Variants in OCRL observed in about 807,000 individuals in gnomAD.
OCRL encodes the protein OCRL inositol polyphosphate-5-phosphatase.
Under a neutral mutation model 78.9 loss-of-function variants are expected in OCRL, and 8 were observed. The observed-to-expected ratio is 0.10, with a 90% CI of 0.06 to 0.18. The LOEUF (loss-of-function observed/expected upper bound fraction) is 0.18. OCRL is among the 10% of genes least tolerant of loss of function. The pLI is 1.00. For synonymous variants in OCRL, 240 were observed against 235.4 expected, an observed-to-expected ratio of 1.02 and a Z score of -0.18; for missense variants, 454 against 696.7, an observed-to-expected ratio of 0.65 and a Z score of 3.92.
At chrX:129,540,620 A>G (rs1935777891) in intron 1 of OCRL, 124 bp from the exon 2 acceptor site, 2 of 481,404 alleles carry the variant, frequency 4.2e-6, no homozygotes, top group South Asian at 2.8e-5. Context: ...GCGGGAGACG[A>G]AGCAGGGCGG....
intron 4 of OCRL, among the ~76,000 whole-genome samples, chrX:129,556,112 CAGAA>C (rs772501480): frequency 7.2e-5 from 8 of 111,864 alleles, no homozygotes; most frequent in Non-Finnish European, 1.3e-4. Flanking sequence ...TTTACAAAGA[CAGAA>C]AGAAGAAGAA....
chrX:129,545,021 C>T lies in OCRL; in HGVS notation c.183C>T (p.His61=), dbSNP rs1361099244. 5.4e-6 allele frequency: 6 copies of T among 1,101,638 alleles called. No individual in the cohort carries two copies. The African/African-American group carries it at 1.1e-4, about 20-fold the overall frequency. 90.8% of individuals were successfully genotyped at this position (1,101,638 alleles called of 1,213,427 possible). A position where few individuals can be genotyped will look rare whatever the true frequency, so the allele number is the denominator to read the frequency against. ...AAGATATCATTCCTATAAATAGCCA[C>T]TTCAGATGTGTTCAAGGTACTAGCT... The part of the protein sequence containing the change: ...HVQDIIPINS[H]FRCVQEAEET... The change falls in exon 3 of 24, where the codon CAC becomes CAT. Residue 61 remains histidine, a synonymous_variant. Transcript: ENST00000371113.
chrX:129,540,329 G>A lies in OCRL; in HGVS notation c.-111G>A. 1.1e-6 allele frequency: 1 copy of A among 873,471 alleles called. No homozygotes were observed. The highest frequency in any genetic ancestry group is 1.6e-6 in the Non-Finnish European group (1 of 618,240). 72.0% of individuals were successfully genotyped at this position (873,471 alleles called of 1,213,427 possible). On this transcript the variant is annotated 5_prime_UTR_variant, in exon 1 of 24. Transcript: ENST00000371113. ...CCCGGCGCCCGGCGCCCGGCGCGGA[G>A]CTGTTCCTCAAACGACACGCAGCCG...
At chrX:129,588,153 T>C (rs761042743) in intron 20 of OCRL, 26 bp from the exon 21 acceptor site, 23 of 1,080,880 alleles carry the variant, frequency 2.1e-5, no homozygotes, top group Non-Finnish European at 3.0e-5. Context: ...ATCTTGCCTG[T>C]CCCTTCATTC....
chrX:129,554,348 G>T (rs1419243933), intron 4 of OCRL: 2 of 111,130 alleles, frequency 1.8e-5, no homozygotes, highest in African/African-American at 6.6e-5. Context: ...GTCATTGGAT[G>T]AGGAAGCTGA....
chrX:129,575,867 G>T (rs1224892311), intron 16 of OCRL, 30 bp from the exon 17 acceptor site: 1 of 1,206,404 alleles, frequency 8.3e-7, no homozygotes, highest in South Asian at 1.8e-5. Context: ...TACTAGTGAT[G>T]CATGTTTGTG....
chrX:129,549,815 T>C lies in OCRL; in HGVS notation c.238+1214T>C, dbSNP rs183118475. ...AAACTGAGCTGTGCCTTTTCTCTTA[T>C]AAGCACCTAATTTTCGGCATTAGTT... is the stretch of plus-strand genomic sequence containing the variant. On this transcript the variant is annotated intron_variant, in intron 4 of 23. Coordinates refer to ENST00000371113, the MANE Select transcript of OCRL (RefSeq NM_000276.4). The C allele has an allele frequency of 6.2e-5, 7 of 112,649 alleles. No homozygotes were observed. In the East Asian group the frequency reaches 1.9e-3, roughly 31 times the overall value. The allele number at this position is 112,649 out of a possible 1,213,427, so 9.3% of individuals were successfully genotyped here. A position where few individuals can be genotyped will look rare whatever the true frequency, so the allele number is the denominator to read the frequency against.
intron 20 of OCRL, among the ~76,000 whole-genome samples, chrX:129,587,900 T>G (rs1936534743): frequency 9.0e-6 from 1 of 110,736 alleles, no homozygotes; most frequent in African/African-American, 3.3e-5. Context: ...AGGCTAGAAT[T>G]AGAACACCTG....
chrX:129,573,170 A>T (rs1304977519), intron 15 of OCRL, among the ~76,000 whole-genome samples: 1 of 111,815 alleles, frequency 8.9e-6, no homozygotes, highest in African/African-American at 3.3e-5. Flanking sequence ...AAACTTCCCC[A>T]GTCTGAGATA....
At chrX:129,568,480 G>A (rs1159386955) in intron 14 of OCRL, among the ~76,000 whole-genome samples, 3 of 111,821 alleles carry the variant, frequency 2.7e-5, no homozygotes, top group Non-Finnish European at 5.6e-5. Context: ...TAGGTAACTG[G>A]CCAGCAAATG....
chrX:129,584,291 A>G, intron 18 of OCRL, 53 bp from the exon 19 acceptor site: 1 of 1,113,115 alleles, frequency 9.0e-7, no homozygotes, highest in South Asian at 1.8e-5. Flanking sequence ...CTGTAAATTA[A>G]TTCTAATCAT....
chrX:129,579,043 G>A (rs1448171630), intron 18 of OCRL, among the ~76,000 whole-genome samples: 1 of 111,106 alleles, frequency 9.0e-6, no homozygotes, highest in Non-Finnish European at 1.9e-5. Context: ...ATCTTTTTCA[G>A]ATTTTCAAAT....
intron 4 of OCRL, among the ~76,000 whole-genome samples, chrX:129,549,456 C>G (rs1305910733): frequency 2.7e-5 from 3 of 111,444 alleles, no homozygotes; most frequent in African/African-American, 9.8e-5. Context: ...TTTAGACAGT[C>G]CCTGCCCTTG....
intron 2 of OCRL, among the ~76,000 whole-genome samples, chrX:129,544,692 A>G (rs957644452): frequency 2.7e-5 from 3 of 111,342 alleles, no homozygotes; most frequent in African/African-American, 9.8e-5. Context: ...CTGAAGCTAT[A>G]TACTCTGTAA....
chrX:129,569,521 T>C lies in OCRL; in HGVS notation c.1602+122T>C. 7.5e-6 allele frequency: 6 copies of C among 802,540 alleles called. 1 individual carries two copies. The Admixed American group carries it at 1.2e-4, about 15-fold the overall frequency. 66.1% of individuals were successfully genotyped at this position (802,540 alleles called of 1,213,427 possible). A position where few individuals can be genotyped will look rare whatever the true frequency, so the allele number is the denominator to read the frequency against. Reference sequence around the variant, plus strand: ...TAAATGTTCCATAACCAAATAACCATTTGCAGCATTGAGAGGTTAGTGCCC... The same window carrying C: ...TAAATGTTCCATAACCAAATAACCACTTGCAGCATTGAGAGGTTAGTGCCC... On this transcript the variant is annotated intron_variant, in intron 15 of 23. Transcript: ENST00000371113.
chrX:129,569,231 T>C (rs754912663), intron 14 of OCRL, 33 bp from the exon 15 acceptor site: 3 of 1,205,245 alleles, frequency 2.5e-6, no homozygotes, highest in Non-Finnish European at 1.1e-6. Context: ...TTGTGTGATA[T>C]GTTCTCTTTA....
rs1412646695 is a variant in OCRL at position 129,540,496 on chromosome X, G to C, written c.39+18G>C. On this transcript the variant is annotated intron_variant, in intron 1 of 23. Transcript: ENST00000371113. ...CGCTTGCCGTATCCGCCGGAGAGAA[G>C]GGAGAGGGGAGGCCGCGCAGGGCCG... 2 of 1,148,502 alleles carry C rather than the reference G, an allele frequency of 1.7e-6. No homozygotes were observed. Among genetic ancestry groups the C allele is most frequent in the African/African-American group, 3.7e-5 (2 of 54,360 alleles). The allele number at this position is 1,148,502 out of a possible 1,213,427, so 94.6% of individuals were successfully genotyped here. A position where few individuals can be genotyped will look rare whatever the true frequency, so the allele number is the denominator to read the frequency against.
chrX:129,564,972 GA>G (rs1936198005), intron 12 of OCRL, among the ~76,000 whole-genome samples: 1 of 111,688 alleles, frequency 9.0e-6, no homozygotes, highest in Non-Finnish European at 1.9e-5. Context: ...CAATAATTAG[GA>G]TCATGTAGAA....
intron 3 of OCRL, among the ~76,000 whole-genome samples, chrX:129,545,903 G>A (rs1299996647): frequency 9.0e-6 from 1 of 110,935 alleles, no homozygotes; most frequent in South Asian, 3.9e-4. Flanking sequence ...TTGTAGTGAC[G>A]GGGTTTCGCC....
Sources: gnomAD v4.1 joint callset for allele counts (sites outside exome capture counted in the v4.1 genomes callset) on GRCh38, gnomAD v4.1.1 for gene constraint, MANE v1.5 for transcripts, NCBI Gene and HGNC (gene_info 2026-07-23, HGNC 2026-07-21) for gene names.